The following CEP85L variants were observed in gnomAD, a reference collection of about 807,000 sequenced individuals.
CEP85L encodes the protein centrosomal protein 85L, also known as centrosomal protein of 85 kDa-like.
In CEP85L, 60 loss-of-function variants were observed where a neutral mutation model predicts 100.3. That is an observed-to-expected ratio of 0.60 (90% CI 0.49 to 0.74). The LOEUF is 0.74. CEP85L is among the 30% of genes least tolerant of loss of function. The pLI is 0.00. For missense variants in CEP85L, 973 were observed against 936.2 expected (o/e 1.04, Z -0.51); for synonymous variants, 319 against 322.7 (o/e 0.99, Z 0.12).
chr6:118,622,846 C>T (rs551393516), intron 2 of CEP85L, among the ~76,000 whole-genome samples: 1 of 152,252 alleles, frequency 6.6e-6, no homozygotes, highest in South Asian at 2.1e-4. Context: ...AGGAAACTGC[C>T]GAGGAGATGC....
Position 118,650,565 on chromosome 6 carries a change from T to A in CEP85L, c.73+632A>T, listed in dbSNP as rs114498235. On this transcript the variant is annotated intron_variant, in intron 1 of 12. Transcript: ENST00000368491. ...CCATTGGCTACTGCAGGACGCGCCC[T>A]CCTCTTACGCCGCAGGGGCTGCGGG... 8.1e-3 allele frequency among the ~76,000 whole-genome samples: 1,234 copies of A among 152,294 alleles called. 14 individuals carry two copies. The highest frequency in any genetic ancestry group is 0.028 in the African/African-American group (1,173 of 41,568).
chr6:118,487,782 T>C (rs531983890), intron 6 of CEP85L, among the ~76,000 whole-genome samples: 39 of 152,242 alleles, frequency 2.6e-4, no homozygotes, highest in African/African-American at 9.4e-4. Flanking sequence ...TCAGAGATGA[T>C]GGTTTAGGCT....
intron 2 of CEP85L, among the ~76,000 whole-genome samples, chr6:118,581,001 A>G (rs1780544112): frequency 6.6e-6 from 1 of 152,136 alleles, no homozygotes; most frequent in Non-Finnish European, 1.5e-5. Flanking sequence ...AGTATTTCTA[A>G]GCCAACAGTG....
chr6:118,536,362 T>C (rs967558060), intron 3 of CEP85L, among the ~76,000 whole-genome samples: 4 of 152,146 alleles, frequency 2.6e-5, no homozygotes, highest in African/African-American at 9.7e-5. Context: ...AAATTTTGTA[T>C]CCTGACCTGA....
intron 3 of CEP85L, chr6:118,559,218 G>A (rs1355961724): frequency 5.2e-6 from 4 of 771,416 alleles, no homozygotes; most frequent in African/African-American, 1.7e-5. Context: ...TCAAGATTAA[G>A]ACTAAAACTT....
At chr6:118,630,534 A>C (rs1031688992) in intron 2 of CEP85L, among the ~76,000 whole-genome samples, 23 of 152,260 alleles carry the variant, frequency 1.5e-4, no homozygotes, top group Admixed American at 1.5e-3. Flanking sequence ...GAAACAACCA[A>C]GATGTCCTTC....
chr6:118,501,155 T>G (rs1422240253), intron 5 of CEP85L, among the ~76,000 whole-genome samples: 1 of 152,202 alleles, frequency 6.6e-6, no homozygotes, highest in African/African-American at 2.4e-5. Context: ...CCCTCCTACT[T>G]TGAGGACCAG....
chr6:118,695,564 C>G (rs1583268218), intron 1 of CEP85L, among the ~76,000 whole-genome samples: 1 of 152,148 alleles, frequency 6.6e-6, no homozygotes. Flanking sequence ...CACAAGTACC[C>G]AAGTGATGCT....
At chr6:118,576,895 C>T (rs542747351) in intron 2 of CEP85L, among the ~76,000 whole-genome samples, 7 of 152,234 alleles carry the variant, frequency 4.6e-5, no homozygotes, top group East Asian at 3.9e-4. Context: ...TCCATCTGCA[C>T]GCTAAACAAA....
intron 3 of CEP85L, among the ~76,000 whole-genome samples, chr6:118,543,837 C>T (rs1309369443): frequency 6.6e-6 from 1 of 152,164 alleles, no homozygotes; most frequent in Non-Finnish European, 1.5e-5. Context: ...GAATGACAAT[C>T]AAATGTGCAC....
At chr6:118,594,056 T>G (rs1781334404) in intron 2 of CEP85L, among the ~76,000 whole-genome samples, 1 of 152,198 alleles carries the variant, frequency 6.6e-6, no homozygotes, top group Admixed American at 6.5e-5. Flanking sequence ...TACCACCCTG[T>G]GTACTTCGCC....
intron 5 of CEP85L, among the ~76,000 whole-genome samples, chr6:118,494,957 G>A (rs939492294): frequency 4.6e-5 from 7 of 152,062 alleles, no homozygotes; most frequent in African/African-American, 1.7e-4. Flanking sequence ...TAACGTAAGT[G>A]TAGAGATAAA....
intron 2 of CEP85L, among the ~76,000 whole-genome samples, chr6:118,584,913 C>T (rs924695873): frequency 7.9e-5 from 12 of 152,222 alleles, no homozygotes; most frequent in African/African-American, 2.9e-4. Flanking sequence ...ATTGTTCTCA[C>T]CTAAATCCAG....
intron 1 of CEP85L, among the ~76,000 whole-genome samples, chr6:118,635,288 T>G (rs1774423877): frequency 6.6e-6 from 1 of 152,194 alleles, no homozygotes; most frequent in Non-Finnish European, 1.5e-5. Flanking sequence ...AACCTATTTT[T>G]TAACATGGAA....
intron 5 of CEP85L, chr6:118,501,781 C>A: frequency 3.0e-6 from 3 of 1,016,192 alleles, no homozygotes; most frequent in South Asian, 1.3e-5. Context: ...AGACATCTCA[C>A]AGAGTGGGGA....
At chr6:118,506,151 C>T (rs910161255) in intron 5 of CEP85L, among the ~76,000 whole-genome samples, 4 of 152,082 alleles carry the variant, frequency 2.6e-5, no homozygotes, top group Admixed American at 6.6e-5. Context: ...AATAATAGGG[C>T]GTATGGAACG....
At chr6:118,535,426 G>T (rs143524593) in intron 3 of CEP85L, among the ~76,000 whole-genome samples, 1 of 152,110 alleles carries the variant, frequency 6.6e-6, no homozygotes, top group Non-Finnish European at 1.5e-5. Flanking sequence ...TGGAAATGTC[G>T]CACACTTCTC....
intron 4 of CEP85L, among the ~76,000 whole-genome samples, chr6:118,515,338 C>T (rs1562218442): frequency 6.6e-6 from 1 of 152,012 alleles, no homozygotes; most frequent in Non-Finnish European, 1.5e-5. Context: ...AACAAGTAGA[C>T]AGAAAATCAA....
rs74851388 is a variant in CEP85L, at chr6:118,537,529, C to A, written c.1021-13609G>T. 816 of 985,266 alleles carry A rather than the reference C, an allele frequency of 8.3e-4. 4 individuals carry two copies. The African/African-American group carries it at 0.013, about 16-fold the overall frequency. 61.0% of individuals were successfully genotyped at this position (985,266 alleles called of 1,614,324 possible). On this transcript the variant is annotated intron_variant, in intron 3 of 12. Transcript: ENST00000368491. The stretch of plus-strand genomic sequence containing the variant: ...CAGAAAATATACATAGGTACCTCTT[C>A]TTGGAAATGGCAGATTCCACTCTCA...
Sources: gnomAD v4.1 joint callset for allele counts (sites outside exome capture counted in the v4.1 genomes callset) on GRCh38, gnomAD v4.1.1 for gene constraint, MANE v1.5 for transcripts, NCBI Gene and HGNC (gene_info 2026-07-23, HGNC 2026-07-21) for gene names.